SORBS2: variants seen among roughly 807,000 people sequenced by gnomAD.
The protein encoded by SORBS2 is sorbin and SH3 domain containing 2, also known as sorbin and SH3 domain-containing protein 2.
SORBS2 carries 46 observed loss-of-function variants against 97.7 expected under a neutral mutation model. The observed-to-expected ratio is 0.47, with a 90% CI of 0.37 to 0.60. SORBS2 has a LOEUF of 0.60. Ranked by LOEUF, SORBS2 falls within the 20% of genes least tolerant of loss-of-function variation. SORBS2 has a pLI of 0.00. For synonymous variants in SORBS2, 476 were observed against 473.4 expected (o/e 1.01, Z -0.07); for missense variants, 1,316 against 1,282.3 (o/e 1.03, Z -0.40).
chr4:185,666,071 T>C lies in SORBS2; in HGVS notation c.-45-3829A>G, dbSNP rs563735895. On this transcript the variant is annotated intron_variant, in intron 4 of 20. Coordinates refer to the SORBS2 transcript ENST00000284776. ...CTGAGTGATGCTGAGCTGGTGCCAC[T>C]GCCTGGTGAGAAAGTGGCTCGGTTC... 3,331 of 1,289,756 alleles carry C rather than the reference T, an allele frequency of 2.6e-3. 8 individuals carry two copies. Among genetic ancestry groups the C allele is most frequent in the Non-Finnish European group, 3.2e-3 (3,212 of 988,848 alleles). 79.9% of individuals were successfully genotyped at this position (1,289,756 alleles called of 1,614,324 possible).
intron 4 of SORBS2, among the ~76,000 whole-genome samples, chr4:185,642,711 G>A (rs1027654432): frequency 1.7e-4 from 26 of 152,146 alleles, no homozygotes; most frequent in African/African-American, 5.8e-4. Flanking sequence ...GAACATAAAC[G>A]CATATGCCAC....
chr4:185,751,190 A>AAAAAAAAAAAAAAAAAAAAAAAAGAGAG, intron 2 of SORBS2, among the ~76,000 whole-genome samples: 1 of 86,510 alleles, frequency 1.2e-5, no homozygotes, highest in South Asian at 4.7e-4. Flanking sequence ...AAAAAAAAAA[A>AAAAAAAAAAAAAAAAAAAAAAAAGAGAG]AGAGAAAGAG....
chr4:185,874,113 T>C (rs2099231976), intron 1 of SORBS2, among the ~76,000 whole-genome samples: 1 of 152,164 alleles, frequency 6.6e-6, no homozygotes, highest in African/African-American at 2.4e-5. Context: ...CATCATATTG[T>C]TGTTAATAAT....
chr4:185,909,730 G>A (rs1052063009), intron 1 of SORBS2, among the ~76,000 whole-genome samples: 3 of 152,114 alleles, frequency 2.0e-5, no homozygotes, highest in African/African-American at 7.2e-5. Context: ...CTCTAAACTA[G>A]GAAAACATGC....
intron 4 of SORBS2, among the ~76,000 whole-genome samples, chr4:185,632,690 C>G (rs1423269760): frequency 6.6e-6 from 1 of 152,120 alleles, no homozygotes; most frequent in African/African-American, 2.4e-5. Context: ...TTAGAACAAC[C>G]CTACAGTGAT....
intron 1 of SORBS2, among the ~76,000 whole-genome samples, chr4:185,815,275 G>C (rs2099192584): frequency 6.6e-6 from 1 of 151,978 alleles, no homozygotes; most frequent in Non-Finnish European, 1.5e-5. Context: ...CATAGCTTTT[G>C]CCTGTTTTCT....
chr4:185,708,142 C>T (rs898690122), intron 2 of SORBS2, among the ~76,000 whole-genome samples: 7 of 152,106 alleles, frequency 4.6e-5, no homozygotes, highest in African/African-American at 1.7e-4. Context: ...AAGGCAGAGC[C>T]GACTTGGGCT....
intron 1 of SORBS2, among the ~76,000 whole-genome samples, chr4:185,883,940 C>T (rs776779836): frequency 9.2e-5 from 14 of 152,162 alleles, no homozygotes; most frequent in East Asian, 1.9e-4. Flanking sequence ...ATATCAGTCA[C>T]GTAAGTCCAC....
At chr4:185,686,288 TTTTCATAAAA>T (rs1254159605) in intron 2 of SORBS2, among the ~76,000 whole-genome samples, 1 of 152,132 alleles carries the variant, frequency 6.6e-6, no homozygotes, top group African/African-American at 2.4e-5. Context: ...TTGAAGGAAT[TTTTCATAAAA>T]TTTATAAATA....
intron 2 of SORBS2, chr4:185,651,819 G>A: frequency 2.7e-6 from 4 of 1,478,148 alleles, no homozygotes; most frequent in South Asian, 1.2e-5. Flanking sequence ...ATACATGTCT[G>A]TGTCATCATC....
chr4:185,892,396 G>A (rs1404844216), intron 1 of SORBS2, among the ~76,000 whole-genome samples: 8 of 152,150 alleles, frequency 5.3e-5, no homozygotes, highest in African/African-American at 1.7e-4. Context: ...ATTAATCCAT[G>A]TTAATTATTC....
chr4:185,627,897 C>T (rs62334752), intron 5 of SORBS2, among the ~76,000 whole-genome samples: 54,349 of 151,788 alleles, frequency 0.36, 9,868 homozygotes, highest in South Asian at 0.51. Context: ...TCCACAGTTT[C>T]GCCTTTTCAC....
chr4:185,626,004 T>C (rs898193743), intron 6 of SORBS2, among the ~76,000 whole-genome samples: 3 of 152,256 alleles, frequency 2.0e-5, no homozygotes, highest in Non-Finnish European at 2.9e-5. Flanking sequence ...TTAGAGGAGA[T>C]TGTGGGGTCC....
At chr4:185,763,316 T>C (rs1377518447) in intron 2 of SORBS2, among the ~76,000 whole-genome samples, 4 of 152,166 alleles carry the variant, frequency 2.6e-5, no homozygotes, top group Non-Finnish European at 5.9e-5. Context: ...GTGGGAGGCA[T>C]GATTCCTATG....
At chr4:185,676,569 A>G (rs1226680594) in intron 4 of SORBS2, among the ~76,000 whole-genome samples, 1 of 152,276 alleles carries the variant, frequency 6.6e-6, no homozygotes, top group Non-Finnish European at 1.5e-5. Flanking sequence ...TGCCAAAGCA[A>G]ATTATAATTG....
intron 12 of SORBS2, among the ~76,000 whole-genome samples, chr4:185,605,529 C>T (rs1467195323): frequency 2.0e-5 from 3 of 152,072 alleles, no homozygotes; most frequent in African/African-American, 4.8e-5. Flanking sequence ...GATGATCCAC[C>T]AGCCTTGGGC....
intron 2 of SORBS2, among the ~76,000 whole-genome samples, chr4:185,707,056 T>C (rs2098354180): frequency 6.6e-6 from 1 of 152,178 alleles, no homozygotes; most frequent in Non-Finnish European, 1.5e-5. Context: ...TTAAAAAGTA[T>C]TTTCTATGTG....
chr4:185,666,575 T>C (rs1271249413), intron 4 of SORBS2, among the ~76,000 whole-genome samples: 1 of 152,156 alleles, frequency 6.6e-6, no homozygotes, highest in Non-Finnish European at 1.5e-5. Context: ...ACTAGAAAAA[T>C]CTAATAGCAT....
chr4:185,801,966 T>G (rs897922790), intron 1 of SORBS2, among the ~76,000 whole-genome samples: 1 of 152,206 alleles, frequency 6.6e-6, no homozygotes, highest in Admixed American at 6.5e-5. Context: ...CAAATACATG[T>G]GAGTGGTATA....
Sources: allele counts gnomAD v4.1 joint callset (sites outside exome capture counted in the v4.1 genomes callset), GRCh38; gene constraint gnomAD v4.1.1; transcripts MANE v1.5; gene names NCBI Gene and HGNC (gene_info 2026-07-23, HGNC 2026-07-21).